BCR: variants seen among roughly 807,000 people sequenced by gnomAD.
The protein encoded by BCR is breakpoint cluster region protein.
A neutral mutation model predicts 138.6 loss-of-function variants in BCR; 58 were observed. The observed-to-expected ratio is 0.42, with a 90% CI of 0.34 to 0.52. The LOEUF (loss-of-function observed/expected upper bound fraction) is 0.52, where lower values mean the gene tolerates loss of function less well. Among genes scored for constraint, BCR ranks in the 20% least tolerant of loss-of-function variants. BCR has a pLI of 0.06. For missense variants in BCR, 1,599 were observed against 1,727.2 expected, an observed-to-expected ratio of 0.93 and a Z score of 1.32; for synonymous variants, 786 against 730.1, an observed-to-expected ratio of 1.08 and a Z score of -1.23.
At chr22:23,314,800 C>T in intron 22 of BCR, 86 bp downstream of exon 22, 1 of 1,508,352 alleles carries the variant, frequency 6.6e-7, no homozygotes, top group Non-Finnish European at 9.1e-7. Flanking sequence ...TGCCCATCTT[C>T]TTACTTGCAT....
At chr22:23,216,801 C>G (rs1602024543) in intron 1 of BCR, among the ~76,000 whole-genome samples, 1 of 152,236 alleles carries the variant, frequency 6.6e-6, no homozygotes, top group Non-Finnish European at 1.5e-5. Flanking sequence ...TGAGACCTCT[C>G]TCTCCTTGTG....
rs1212496821 is a variant in BCR, at chr22:23,251,503, G to A, written c.1280-2296G>A. ...AGAGGCAGAGGTGTGCAAGGAAGCCGGAACTTCGGCCACCTGCACCCACAG... is the reference window on the plus strand; with the variant it reads ...AGAGGCAGAGGTGTGCAAGGAAGCCAGAACTTCGGCCACCTGCACCCACAG... On this transcript the variant is annotated intron_variant, in intron 1 of 22. Transcript: ENST00000305877. Among the ~76,000 whole-genome samples the A allele has an allele frequency of 2.6e-5, 4 of 152,240 alleles. No individual in the cohort carries two copies. The South Asian group carries it at 6.2e-4, about 24-fold the overall frequency.
chr22:23,205,642 ATTT>A (rs112193385), intron 1 of BCR, among the ~76,000 whole-genome samples: 3 of 144,066 alleles, frequency 2.1e-5, no homozygotes, highest in African/African-American at 5.1e-5. Context: ...TGAACCAATA[ATTT>A]TTTTTTTTTT....
At position 23,243,872 on chromosome 22, in the gene BCR, A is replaced by C. The variant is rs926999889; in HGVS notation, c.1280-9927A>C. ...TGGCCAGACTGGTCTTGAACTCCTG[A>C]CCTTGTGATCCGCCTGCCTCAGCCT... On this transcript the variant is annotated intron_variant, in intron 1 of 22. Transcript: ENST00000305877. Among the ~76,000 whole-genome samples, 3 of 151,892 alleles carry C rather than the reference A, an allele frequency of 2.0e-5. No homozygotes were observed. The East Asian group carries it at 5.8e-4, about 29-fold the overall frequency.
chr22:23,181,732 G>A lies in BCR; in HGVS notation c.772G>A (p.Asp258Asn). 1 of 1,604,136 alleles carries A rather than the reference G, an allele frequency of 6.2e-7. No individual in the cohort carries two copies. The highest frequency in any genetic ancestry group is 8.5e-7 in the Non-Finnish European group (1 of 1,179,990). The part of the protein sequence containing the change: ...DAELNPRFLK[D>N]NLIDANGGSR... ...CGAGTTGAACCCCCGCTTCCTGAAG[G>A]ACAACCTGATCGACGCCAATGGCGG... The change falls in exon 1 of 23, where the codon GAC (aspartate) becomes AAC (asparagine). Residue 258 changes from aspartate (D) to asparagine (N), a missense_variant. Asp to Asn is a conservative substitution (Grantham distance 23). Transcript: ENST00000305877.
intron 1 of BCR, among the ~76,000 whole-genome samples, chr22:23,219,714 A>C (rs1602027974): frequency 6.7e-6 from 1 of 149,526 alleles, no homozygotes. Context: ...TGCTTCCTGC[A>C]CCCCCTCTCC....
intron 1 of BCR, among the ~76,000 whole-genome samples, chr22:23,214,068 C>G (rs1380844325): frequency 1.3e-5 from 2 of 152,204 alleles, no homozygotes; most frequent in Non-Finnish European, 2.9e-5. Context: ...AAAAAAGCAC[C>G]TAGCGTGGCT....
At chr22:23,263,750 G>A (rs1193030422) in intron 4 of BCR, 5 of 1,432,248 alleles carry the variant, frequency 3.5e-6, no homozygotes, top group Non-Finnish European at 3.9e-6. Flanking sequence ...GATTGCAAAG[G>A]GGGCATCATA....
chr22:23,266,386 G>GT (rs1466529008), intron 4 of BCR, among the ~76,000 whole-genome samples: 2 of 149,238 alleles, frequency 1.3e-5, no homozygotes, highest in African/African-American at 5.0e-5. Context: ...ACCGCACCCT[G>GT]CCTTTTTTTT....
chr22:23,305,196 T>C (rs1159469466), intron 16 of BCR, among the ~76,000 whole-genome samples: 1 of 151,040 alleles, frequency 6.6e-6, no homozygotes, highest in Non-Finnish European at 1.5e-5. Context: ...CTGTAATCTC[T>C]CTCCTGGTGA....
intron 16 of BCR, among the ~76,000 whole-genome samples, chr22:23,303,269 C>T (rs1161478616): frequency 1.3e-5 from 2 of 152,128 alleles, no homozygotes; most frequent in African/African-American, 4.8e-5. Flanking sequence ...GTTTACTTTC[C>T]AGCAGCAGAG....
chr22:23,242,858 C>T (rs758568372), intron 1 of BCR: 1 of 455,790 alleles, frequency 2.2e-6, no homozygotes, highest in South Asian at 1.6e-5. Context: ...TCCGCAGGGC[C>T]AGGCTGTCTC....
chr22:23,222,104 A>AAAAAGAG lies in BCR; in HGVS notation c.1280-31694_1280-31693insAAAGAGA, dbSNP rs1555876401. ...AGACTCTGTCTCAAAAAACAAAAAA[A>AAAAAGAG]AGAGAGAGAAGTGATAGCCCTCCCC... On this transcript the variant is annotated intron_variant, in intron 1 of 22. Transcript: ENST00000305877. 1.6e-3 allele frequency among the ~76,000 whole-genome samples: 243 copies of AAAAAGAG among 151,794 alleles called. 1 individual carries two copies. Among genetic ancestry groups the AAAAAGAG allele is most frequent in the African/African-American group, 5.5e-3 (227 of 41,106 alleles).
chr22:23,301,715 C>T (rs916524629), intron 16 of BCR, among the ~76,000 whole-genome samples: 2 of 152,226 alleles, frequency 1.3e-5, no homozygotes, highest in Non-Finnish European at 2.9e-5. Flanking sequence ...CTTCTCTGAT[C>T]TAGACCATGA....
chr22:23,235,416 T>C (rs2073012271), intron 1 of BCR, among the ~76,000 whole-genome samples: 1 of 144,782 alleles, frequency 6.9e-6, no homozygotes, highest in Non-Finnish European at 1.6e-5. Flanking sequence ...GCAGCTGTGC[T>C]GTTGCCCTGC....
intron 4 of BCR, 47 bp downstream of exon 4, chr22:23,261,587 C>T (rs915724539): frequency 1.3e-5 from 20 of 1,583,816 alleles, no homozygotes; most frequent in African/African-American, 4.1e-5. Context: ...TGTACCACCA[C>T]GTCCAGCTAA....
chr22:23,243,331 T>C (rs534003145), intron 1 of BCR, among the ~76,000 whole-genome samples: 24 of 152,190 alleles, frequency 1.6e-4, no homozygotes, highest in Non-Finnish European at 2.9e-5. Flanking sequence ...GGGGTGGAGA[T>C]TGAATTGATC....
At chr22:23,296,291 A>G (rs1387801775) in intron 16 of BCR, among the ~76,000 whole-genome samples, 1 of 149,810 alleles carries the variant, frequency 6.7e-6, no homozygotes, top group Non-Finnish European at 1.5e-5. Context: ...GGAGAATGGC[A>G]TGAACCTGGG....
intron 8 of BCR, among the ~76,000 whole-genome samples, chr22:23,275,508 G>T (rs1159865073): frequency 1.3e-5 from 2 of 152,250 alleles, no homozygotes; most frequent in Non-Finnish European, 2.9e-5. Flanking sequence ...GCACCTTCCA[G>T]TGGAGGCGTT....
Sources: allele counts gnomAD v4.1 joint callset (sites outside exome capture counted in the v4.1 genomes callset), GRCh38; gene constraint gnomAD v4.1.1; transcripts MANE v1.5; gene names NCBI Gene and HGNC (gene_info 2026-07-23, HGNC 2026-07-21).